The following RBM12B variants were observed in gnomAD, a reference collection of about 807,000 sequenced individuals.
The protein encoded by RBM12B is RNA binding motif protein 12B.
A neutral mutation model predicts 34.3 loss-of-function variants in RBM12B; 10 were observed. That is an observed-to-expected ratio of 0.29 (90% CI 0.18 to 0.49). The LOEUF is 0.49. Among genes scored for constraint, RBM12B ranks in the 20% least tolerant of loss-of-function variants. The probability of loss-of-function intolerance (pLI) is 0.99; values close to 1 mark genes in which losing one functional copy is unlikely to be tolerated. For synonymous variants in RBM12B, 477 were observed against 437.1 expected (o/e 1.09, Z -1.14); for missense variants, 1,139 against 1,262.7 (o/e 0.90, Z 1.48).
At position 93,734,332 on chromosome 8, in the gene RBM12B, T is replaced by C. The variant is rs1811925647; in HGVS notation, c.2079A>G (p.Arg693=). 1 of 1,601,212 alleles carries C rather than the reference T, an allele frequency of 6.2e-7. No homozygotes were observed. The highest frequency in any genetic ancestry group is 8.5e-7 in the Non-Finnish European group (1 of 1,175,644). Residue 693 remains arginine, a synonymous_variant, in exon 4 of 4, where the codon CGA becomes CGG. Transcript: ENST00000520560. ...GCCGCCTGAAGTCATCCTCGGGTGG[T>C]CGCCTCCATTCTCCCTGAAGAGGCC... ...FRRPLQGEWR[R]PPEDDFRRPP...
chr8:93,733,715 C>T lies in RBM12B; in HGVS notation c.2696G>A (p.Gly899Glu), dbSNP rs1274811273. ...GRPEGGKFDF[G>E]KHNMGSFPEG... Reference sequence around the variant, plus strand: ...AGGAAAACTTCCCATATTATGCTTTCCAAAATCAAACTTGCCACCTTCTGG... The same window carrying T: ...AGGAAAACTTCCCATATTATGCTTTTCAAAATCAAACTTGCCACCTTCTGG... The change falls in exon 4 of 4, where the codon GGA becomes GAA. Residue 899 changes from glycine to glutamate, a missense_variant. Transcript: ENST00000520560. The T allele has an allele frequency of 2.5e-6, 4 of 1,613,962 alleles. No homozygotes were observed. The African/African-American group carries it at 4.0e-5, about 16-fold the overall frequency.
In RBM12B at chr8:93,733,132, A is replaced by C. The variant is rs546025162; in HGVS notation, c.*273T>G. On this transcript the variant is annotated 3_prime_UTR_variant, in exon 4 of 4. Transcript: ENST00000520560. The stretch of plus-strand genomic sequence containing the variant: ...AGTCTTGAAGATTACCGATGACATC[A>C]ACAAAAATGAATGAACTCAGGGAAT... 4.2e-6 allele frequency: 1 copy of C among 237,350 alleles called. No homozygotes were observed. Among genetic ancestry groups the C allele is most frequent in the African/African-American group, 2.2e-5 (1 of 44,758 alleles). 14.7% of individuals were successfully genotyped at this position (237,350 alleles called of 1,614,324 possible).
Position 93,729,046 on chromosome 8 carries a change from A to G in RBM12B, c.*4359T>C, listed in dbSNP as rs762066514. Reference sequence around the variant, plus strand: ...TTACCAAGCTACCATATAGTTAATAAAAGGGTATACAGTCACTTTTATTTC... The same window carrying G: ...TTACCAAGCTACCATATAGTTAATAGAAGGGTATACAGTCACTTTTATTTC... On this transcript the variant is annotated 3_prime_UTR_variant, in exon 4 of 4. Coordinates refer to ENST00000520560, the MANE Select transcript of RBM12B (RefSeq NM_001377960.1). 17 of 152,132 alleles carry G rather than the reference A, an allele frequency of 1.1e-4. No individual in the cohort carries two copies. Among genetic ancestry groups the G allele is most frequent in the Non-Finnish European group, 2.4e-4 (16 of 67,970 alleles). 9.4% of individuals were successfully genotyped at this position (152,132 alleles called of 1,614,324 possible).
Position 93,732,199 on chromosome 8 carries a change from ATAAT to A in RBM12B, c.*1202_*1205del, listed in dbSNP as rs1359186232. 6.6e-6 allele frequency: 1 copy of A among 152,242 alleles called. No individual in the cohort carries two copies. Among genetic ancestry groups the A allele is most frequent in the Admixed American group, 6.5e-5 (1 of 15,284 alleles). 9.4% of individuals were successfully genotyped at this position (152,242 alleles called of 1,614,324 possible). A position where few individuals can be genotyped will look rare whatever the true frequency, so the allele number is the denominator to read the frequency against. ...TATCTCATTTGTGAAATAGAGGTAA[ATAAT>A]TAACCCTGTACTCACAGGGAATACC... On this transcript the variant is annotated 3_prime_UTR_variant, in exon 4 of 4. Transcript: ENST00000520560.
At position 93,730,680 on chromosome 8, in the gene RBM12B, C is replaced by T. The variant is rs550185907; in HGVS notation, c.*2725G>A. The T allele has an allele frequency of 1.3e-5, 2 of 151,936 alleles. No homozygotes were observed. Among genetic ancestry groups the T allele is most frequent in the African/African-American group, 4.8e-5 (2 of 41,464 alleles). 9.4% of individuals were successfully genotyped at this position (151,936 alleles called of 1,614,324 possible). The stretch of plus-strand genomic sequence containing the variant: ...TTATCACTTTCCATGGTGTAAAATA[C>T]TCCTGCCATGGCCAATTTGTTATTG... On this transcript the variant is annotated 3_prime_UTR_variant, in exon 4 of 4. Transcript: ENST00000520560.
chr8:93,738,116 A>G (rs1486943241), intron 2 of RBM12B, among the ~76,000 whole-genome samples: 1 of 152,258 alleles, frequency 6.6e-6, no homozygotes, highest in Non-Finnish European at 1.5e-5. Context: ...CAGTATAATT[A>G]AGGCAAATAC....
chr8:93,734,698 G>A lies in RBM12B; in HGVS notation c.1713C>T (p.Asp571=). Residue 571 remains aspartate (D), a synonymous_variant, in exon 4 of 4, where the codon GAC becomes GAT. Coordinates refer to ENST00000520560, the MANE Select transcript of RBM12B (RefSeq NM_001377960.1). ...SSEDFRFPPE[D]FRHSPEDFRR... is the part of the protein sequence containing the mutation. ...TGAAGTCCTCTGGGGAGTGCCTGAA[G>A]TCCTCCGGGGGGAACCTAAAGTCCT... 1 of 1,614,126 alleles carries A rather than the reference G, an allele frequency of 6.2e-7. No individual in the cohort carries two copies. The highest frequency in any genetic ancestry group is 8.5e-7 in the Non-Finnish European group (1 of 1,180,004).
Position 93,735,307 on chromosome 8 carries a change from T to G in RBM12B, c.1104A>C (p.Ala368=). The change falls in exon 4 of 4, where the codon GCA becomes GCC. Residue 368 remains alanine, a synonymous_variant. Transcript: ENST00000520560. ...ACCCTGATCTCTTCTTTTCATAACG[T>G]GCAATGAACTTCAGCATTTGTTTTC... The part of the protein sequence containing the change: ...ISRKQMLKFI[A]RYEKKRSGSL... The G allele has an allele frequency of 1.2e-6, 2 of 1,614,044 alleles. No individual in the cohort carries two copies. Among genetic ancestry groups the G allele is most frequent in the Non-Finnish European group, 1.7e-6 (2 of 1,180,016 alleles).
chr8:93,735,234 C>T lies in RBM12B; in HGVS notation c.1177G>A (p.Glu393Lys). 3 of 1,614,040 alleles carry T rather than the reference C, an allele frequency of 1.9e-6. No individual in the cohort carries two copies. Among genetic ancestry groups the T allele is most frequent in the Non-Finnish European group, 1.7e-6 (2 of 1,180,028 alleles). ...CACAGTTTCTGGCCAGAGTTACCTTCTTGAGAGTATTTTTGTGAAACATGT... is the reference window on the plus strand; with the variant it reads ...CACAGTTTCTGGCCAGAGTTACCTTTTTGAGAGTATTTTTGTGAAACATGT... ...PGHVSQKYSQEGNSGQKLCIY... is the reference protein window; with the variant it reads ...PGHVSQKYSQKGNSGQKLCIY... The change falls in exon 4 of 4, where the codon GAA becomes AAA. Residue 393 changes from glutamate (E) to lysine (K), a missense_variant. By Grantham distance (56) the Glu-to-Lys change is moderately conservative. Coordinates refer to ENST00000520560, the MANE Select transcript of RBM12B (RefSeq NM_001377960.1).
chr8:93,734,382 G>A lies in RBM12B; in HGVS notation c.2029C>T (p.Arg677Trp), dbSNP rs775955349. Residue 677 changes from arginine to tryptophan, a missense_variant, in exon 4 of 4, where the codon CGG becomes TGG. Coordinates refer to ENST00000520560, the MANE Select transcript of RBM12B (RefSeq NM_001377960.1). ...FRRPPEEDWR[R>W]PPEEDFRRPL... is the part of the protein sequence containing the mutation. ...CGCCTAAAGTCCTCCTCTGGGGGCCGTCTCCAGTCCTCCTCAGGTGGCCGC... is the reference window on the plus strand; with the variant it reads ...CGCCTAAAGTCCTCCTCTGGGGGCCATCTCCAGTCCTCCTCAGGTGGCCGC... 5.0e-5 allele frequency: 80 copies of A among 1,611,982 alleles called. No individual in the cohort carries two copies. Among genetic ancestry groups the A allele is most frequent in the Middle Eastern group, 1.6e-4 (1 of 6,072 alleles).
rs1436979750 is a variant in RBM12B at position 93,728,503 on chromosome 8, A to C, written c.*4902T>G. 3 of 397,500 alleles carry C rather than the reference A, an allele frequency of 7.5e-6. No homozygotes were observed. The East Asian group carries it at 1.3e-4, about 17-fold the overall frequency. 24.6% of individuals were successfully genotyped at this position (397,500 alleles called of 1,614,324 possible). On this transcript the variant is annotated 3_prime_UTR_variant, in exon 4 of 4. Transcript: ENST00000520560. ...ATTTCAACATCCTACCTAGTGTTACATGATTTTTGTGTAAGTGCCTTTTTT... is the reference window on the plus strand; with the variant it reads ...ATTTCAACATCCTACCTAGTGTTACCTGATTTTTGTGTAAGTGCCTTTTTT...
chr8:93,733,399 C>T lies in RBM12B; in HGVS notation c.*6G>A, dbSNP rs777332393. 27 of 1,514,108 alleles carry T rather than the reference C, an allele frequency of 1.8e-5. No homozygotes were observed. The highest frequency in any genetic ancestry group is 2.3e-5 in the Non-Finnish European group (26 of 1,132,616). The allele number at this position is 1,514,108 out of a possible 1,614,324, so 93.8% of individuals were successfully genotyped here. On this transcript the variant is annotated 3_prime_UTR_variant, in exon 4 of 4. Coordinates refer to ENST00000520560, the MANE Select transcript of RBM12B (RefSeq NM_001377960.1). ...GAAGATAACTGAATTTAGAAATGCTCTCTCTCTACAGCAAAGTTAACTTAA... is the reference window on the plus strand; with the variant it reads ...GAAGATAACTGAATTTAGAAATGCTTTCTCTCTACAGCAAAGTTAACTTAA...
At position 93,736,108 on chromosome 8, in the gene RBM12B, T is replaced by G. The variant is rs1350202475; in HGVS notation, c.303A>C (p.Ser101=). 6.2e-7 allele frequency: 1 copy of G among 1,614,116 alleles called. No individual in the cohort carries two copies. Among genetic ancestry groups the G allele is most frequent in the South Asian group, 1.1e-5 (1 of 91,072 alleles). The change falls in exon 4 of 4, where the codon TCA becomes TCC. Residue 101 remains serine, a synonymous_variant. Coordinates refer to ENST00000520560, the MANE Select transcript of RBM12B (RefSeq NM_001377960.1). The part of the protein sequence containing the change: ...VGRGRPGSGT[S]GVDSLSNFIE... Reference sequence around the variant, plus strand: ...TAAAATTAGACAGGCTGTCAACCCCTGATGTCCCAGATCCTGGACGCCCTC... The same window carrying G: ...TAAAATTAGACAGGCTGTCAACCCCGGATGTCCCAGATCCTGGACGCCCTC...
chr8:93,738,929 A>C (rs1219779233), intron 2 of RBM12B: 1 of 152,256 alleles, frequency 6.6e-6, no homozygotes, highest in African/African-American at 2.4e-5. Context: ...TAAACTAGCA[A>C]AGACATCAAA....
chr8:93,734,691 GCCTGAAGTCCTCCGGGGGGAA>G lies in RBM12B; in HGVS notation c.1699_1719del (p.Phe567_Arg573del), dbSNP rs1295445874. On this transcript the variant is annotated inframe_deletion, in exon 4 of 4. Transcript: ENST00000520560. ...GGTCGCCTGAAGTCCTCTGGGGAGTGCCTGAAGTCCTCCGGGGGGAACCTAAAGTCCTCTGAGGAGTGTCGG... is the reference window on the plus strand; with the variant it reads ...GGTCGCCTGAAGTCCTCTGGGGAGTGCCTAAAGTCCTCTGAGGAGTGTCGG... 1.2e-6 allele frequency: 2 copies of G among 1,613,844 alleles called. No individual in the cohort carries two copies. Among genetic ancestry groups the G allele is most frequent in the East Asian group, 4.5e-5 (2 of 44,870 alleles).
intron 3 of RBM12B, among the ~76,000 whole-genome samples, chr8:93,736,785 G>A (rs1812034785): frequency 1.3e-5 from 2 of 152,142 alleles, no homozygotes; most frequent in Admixed American, 6.5e-5. Context: ...ATCTTCTACT[G>A]AAACATGAGA....
In RBM12B at chr8:93,740,934, C is replaced by T. The variant is rs7007034; in HGVS notation, c.-199G>A. The stretch of plus-strand genomic sequence containing the variant: ...CGGAGGCTGAGGGAACTCTTCGTCG[C>T]AGCAGCCTCCCCAAAACAGGTAGAC... On this transcript the variant is annotated 5_prime_UTR_variant, in exon 1 of 4. Coordinates refer to ENST00000520560, the MANE Select transcript of RBM12B (RefSeq NM_001377960.1). The T allele has an allele frequency of 1.1e-3, 257 of 226,468 alleles. 2 individuals are homozygous for T. Among genetic ancestry groups the T allele is most frequent in the African/African-American group, 5.5e-3 (239 of 43,290 alleles). The allele number at this position is 226,468 out of a possible 1,614,324, so 14.0% of individuals were successfully genotyped here. A position where few individuals can be genotyped will look rare whatever the true frequency, so the allele number is the denominator to read the frequency against.
intron 2 of RBM12B, chr8:93,740,345 T>G (rs1812161139): frequency 2.2e-6 from 1 of 457,056 alleles, no homozygotes; most frequent in African/African-American, 2.0e-5. Context: ...CTCCCAGGGG[T>G]CAGAGCTTCC....
intron 2 of RBM12B, chr8:93,738,936 C>T (rs1812108527): frequency 6.6e-6 from 1 of 152,160 alleles, no homozygotes; most frequent in Non-Finnish European, 1.5e-5. Context: ...GCAAAGACAT[C>T]AAATTACTTC....
Sources: allele counts gnomAD v4.1 joint callset (sites outside exome capture counted in the v4.1 genomes callset), GRCh38; gene constraint gnomAD v4.1.1; transcripts MANE v1.5; gene names NCBI Gene and HGNC (gene_info 2026-07-23, HGNC 2026-07-21).